Variants in PTGER3 observed in about 807,000 individuals in gnomAD.
The protein encoded by PTGER3 is prostaglandin E receptor 3, also known as prostaglandin E2 receptor EP3 subtype.
Under a neutral mutation model 34.7 loss-of-function variants are expected in PTGER3, and 22 were observed. The ratio of observed to expected loss-of-function variants is 0.63; its 90% confidence interval spans 0.45 to 0.91. The LOEUF (loss-of-function observed/expected upper bound fraction) is 0.91. PTGER3 is among the 40% of genes least tolerant of loss of function. The pLI is 0.00. For synonymous variants in PTGER3, 241 were observed against 230.1 expected (o/e 1.05, Z -0.43); for missense variants, 468 against 519.4 (o/e 0.90, Z 0.96).
In PTGER3 at chr1:70,971,225, T is replaced by C. The variant is rs753147842; in HGVS notation, c.*505A>G. ...TGGGCACAAATATTTTTTGTCACGA[T>C]TCCCTCCTGCCCTCATTTGCTTTTA... On this transcript the variant is annotated 3_prime_UTR_variant, in exon 4 of 4. Transcript: ENST00000306666. The C allele has an allele frequency of 4.9e-5, 48 of 985,326 alleles. No individual in the cohort carries two copies. Among genetic ancestry groups the C allele is most frequent in the Non-Finnish European group, 5.5e-5 (46 of 829,962 alleles). The allele number at this position is 985,326 out of a possible 1,614,324, so 61.0% of individuals were successfully genotyped here.
chr1:71,027,409 T>C (rs935200191), intron 1 of PTGER3, among the ~76,000 whole-genome samples: 4 of 152,206 alleles, frequency 2.6e-5, no homozygotes, highest in Non-Finnish European at 5.9e-5. Context: ...GTGATTCTCC[T>C]GCTTTGGCCT....
chr1:70,963,356 G>C (rs1312468315), intron 2 of PTGER3, among the ~76,000 whole-genome samples: 1 of 152,172 alleles, frequency 6.6e-6, no homozygotes, highest in Non-Finnish European at 1.5e-5. Context: ...TGTCTCAGTG[G>C]GGACTCTGCA....
rs114101461 is a variant in PTGER3 at position 71,024,419 on chromosome 1, G to T, written c.898-11935C>A. Among the ~76,000 whole-genome samples, 1,277 of 152,010 alleles carry T rather than the reference G, an allele frequency of 8.4e-3. 24 individuals carry two copies. Among genetic ancestry groups the T allele is most frequent in the African/African-American group, 0.03 (1,230 of 41,436 alleles). On this transcript the variant is annotated intron_variant, in intron 1 of 3. Transcript: ENST00000306666. ...TTTATCTTGCTGCTTGTTTTTAATT[G>T]TTGGTCTCTCTCAATAATCGAAAAT...
intron 4 of PTGER3, among the ~76,000 whole-genome samples, chr1:70,934,340 A>G (rs1222274086): frequency 6.6e-6 from 1 of 152,162 alleles, no homozygotes; most frequent in African/African-American, 2.4e-5. Flanking sequence ...CTGAGTATAC[A>G]CAGGAGTAAT....
In PTGER3 at chr1:70,882,567, G is replaced by A. The variant is rs368198335; in HGVS notation, c.*24-29708C>T. Among the ~76,000 whole-genome samples the A allele has an allele frequency of 3.9e-5, 6 of 152,206 alleles. No individual in the cohort carries two copies. The East Asian group carries it at 5.8e-4, about 15-fold the overall frequency. On this transcript the variant is annotated intron_variant, in intron 4 of 4. Transcript: ENST00000370931. Reference sequence around the variant, plus strand: ...CTATTGGAGCTATGGTGACAGTGCTGGTCTGCTTTGGGGCCAAAGGCTTGC... The same window carrying A: ...CTATTGGAGCTATGGTGACAGTGCTAGTCTGCTTTGGGGCCAAAGGCTTGC...
intron 4 of PTGER3, among the ~76,000 whole-genome samples, chr1:70,871,103 A>T (rs1027226260): frequency 6.6e-6 from 1 of 152,148 alleles, no homozygotes. Flanking sequence ...AATTTATTTT[A>T]AAAAAAGGTT....
chr1:70,988,078 C>CA (rs1202780284), intron 2 of PTGER3, among the ~76,000 whole-genome samples: 2 of 152,210 alleles, frequency 1.3e-5, no homozygotes, highest in African/African-American at 4.8e-5. Flanking sequence ...CCATTAGTCA[C>CA]AATATGACCA....
chr1:70,980,879 G>A (rs1233184278), intron 2 of PTGER3, among the ~76,000 whole-genome samples: 1 of 152,124 alleles, frequency 6.6e-6, no homozygotes, highest in Admixed American at 6.5e-5. Context: ...AGGCATACCT[G>A]ATTGGACAAG....
chr1:70,929,064 T>G (rs1007325727), intron 4 of PTGER3, among the ~76,000 whole-genome samples: 1 of 152,136 alleles, frequency 6.6e-6, no homozygotes, highest in African/African-American at 2.4e-5. Flanking sequence ...AGCTGCAAAC[T>G]AGAGTTTTGT....
chr1:71,040,990 A>G (rs1660264221), intron 1 of PTGER3, among the ~76,000 whole-genome samples: 1 of 152,156 alleles, frequency 6.6e-6, no homozygotes, highest in East Asian at 1.9e-4. Flanking sequence ...GTGTAAAGAG[A>G]GCAGGGTGCA....
At chr1:70,950,763 A>T (rs1480311739), downstream of PTGER3, 1 of 151,916 alleles carries the variant, frequency 6.6e-6, no homozygotes, top group Non-Finnish European at 1.5e-5. Context: ...GCCCAGGACG[A>T]TCTTGGCTCA....
chr1:70,915,901 A>G (rs1647165008), intron 4 of PTGER3, among the ~76,000 whole-genome samples: 1 of 151,968 alleles, frequency 6.6e-6, no homozygotes, highest in African/African-American at 2.4e-5. Flanking sequence ...GACCTAATTA[A>G]ACTAAAGTTT....
intron 4 of PTGER3, among the ~76,000 whole-genome samples, chr1:70,922,087 A>C (rs1347591485): frequency 6.6e-6 from 1 of 152,190 alleles, no homozygotes; most frequent in Non-Finnish European, 1.5e-5. Flanking sequence ...AAGTTTGCTA[A>C]ATGCTTTAAG....
At chr1:70,952,829 C>A in exon 4 of PTGER3, 1 of 1,416,952 alleles carries the variant, frequency 7.1e-7, no homozygotes, top group Middle Eastern at 1.9e-4. Flanking sequence ...TCAAAATAAG[C>A]AGGGATTAGA....
At chr1:70,861,074 A>G (rs1413141204) in intron 4 of PTGER3, among the ~76,000 whole-genome samples, 1 of 152,170 alleles carries the variant, frequency 6.6e-6, no homozygotes, top group African/African-American at 2.4e-5. Context: ...AAGGCTTCAC[A>G]GAAGTGACAA....
intron 2 of PTGER3, among the ~76,000 whole-genome samples, chr1:70,955,681 A>C (rs1651250053): frequency 6.6e-6 from 1 of 152,148 alleles, no homozygotes; most frequent in African/African-American, 2.4e-5. Flanking sequence ...CCCAGTAGAA[A>C]TACAGGAAAT....
chr1:70,970,517 G>A (rs901245987), downstream of PTGER3, among the ~76,000 whole-genome samples: 2 of 152,090 alleles, frequency 1.3e-5, no homozygotes, highest in Non-Finnish European at 2.9e-5. Context: ...TGGCAGAAAC[G>A]ATATGTAGTC....
chr1:71,032,892 A>G (rs897112944), intron 1 of PTGER3, among the ~76,000 whole-genome samples: 8 of 152,206 alleles, frequency 5.3e-5, no homozygotes, highest in African/African-American at 1.9e-4. Flanking sequence ...AGAAAGAACA[A>G]TGACAACAAA....
chr1:70,995,729 A>T (rs896484116), intron 2 of PTGER3, among the ~76,000 whole-genome samples: 1 of 152,154 alleles, frequency 6.6e-6, no homozygotes, highest in Non-Finnish European at 1.5e-5. Flanking sequence ...AAAACTACAG[A>T]TGGTAAAATG....
Sources: allele counts gnomAD v4.1 joint callset (sites outside exome capture counted in the v4.1 genomes callset), GRCh38; gene constraint gnomAD v4.1.1; transcripts MANE v1.5; gene names NCBI Gene and HGNC (gene_info 2026-07-23, HGNC 2026-07-21).